The following PDCD11 variants were observed in gnomAD, a reference collection of about 807,000 sequenced individuals.
PDCD11 encodes the protein protein RRP5 homolog.
PDCD11 carries 97 observed loss-of-function variants against 198.9 expected under a neutral mutation model. The ratio of observed to expected loss-of-function variants is 0.49; its 90% CI spans 0.41 to 0.58. PDCD11 has a LOEUF of 0.58. Ranked by LOEUF, PDCD11 falls within the 20% of genes least tolerant of loss-of-function variation. The probability of loss-of-function intolerance (pLI) is 0.00; values close to 1 mark genes in which losing one functional copy is unlikely to be tolerated. For missense variants in PDCD11, 2,102 were observed against 2,312.7 expected, an observed-to-expected ratio of 0.91 and a Z score of 1.87; for synonymous variants, 893 against 918.0, an observed-to-expected ratio of 0.97 and a Z score of 0.49.
In PDCD11 at chr10:103,442,410, C is replaced by G; in HGVS notation, c.4905C>G (p.Ile1635Met). The change falls in exon 32 of 36, where the codon ATC becomes ATG. Residue 1635 changes from isoleucine (I) to methionine (M), a missense_variant. By Grantham distance (10) the Ile-to-Met change is conservative. Transcript: ENST00000369797. ...YMAFHLQATEIEKARAVAERA... is the reference protein window; with the variant it reads ...YMAFHLQATEMEKARAVAERA... ...CTTTCCACCTGCAGGCCACGGAGAT[C>G]GAGAAGGCCCGTGCCGTGGCTGAGA... 3 of 1,614,172 alleles carry G rather than the reference C, an allele frequency of 1.9e-6. 1 individual carries two copies. The South Asian group carries it at 3.3e-5, about 18-fold the overall frequency.
At chr10:103,422,875 T>C in intron 17 of PDCD11, 113 bp from the exon 18 acceptor site, 2 of 1,002,490 alleles carry the variant, frequency 2.0e-6, no homozygotes, top group Non-Finnish European at 1.4e-6. Flanking sequence ...TTTTACCTTG[T>C]CAGTGGTTCC....
At position 103,440,548 on chromosome 10, in the gene PDCD11, C is replaced by T. The variant is rs758686366; in HGVS notation, c.4407C>T (p.Gly1469=). 434 of 1,612,146 alleles carry T rather than the reference C, an allele frequency of 2.7e-4. No individual in the cohort carries two copies. The highest frequency in any genetic ancestry group is 2.5e-4 in the Non-Finnish European group (296 of 1,179,870). ...AGAAGCCACAGGCGCAGAAGCGGGGCGGGCGGGAGTGCCGGGAGTCTGGGA... is the reference window on the plus strand; with the variant it reads ...AGAAGCCACAGGCGCAGAAGCGGGGTGGGCGGGAGTGCCGGGAGTCTGGGA... The part of the protein sequence containing the change: ...QPQKPQAQKR[G]GRECRESGSE... Residue 1469 remains glycine, a synonymous_variant, in exon 29 of 36, where the codon GGC becomes GGT. Coordinates refer to ENST00000369797, the MANE Select transcript of PDCD11 (RefSeq NM_014976.2).
rs148181718 is a variant in PDCD11 at position 103,443,249 on chromosome 10, C to T, written c.5040C>T (p.Val1680=). The T allele has an allele frequency of 5.3e-4, 855 of 1,613,104 alleles. 8 individuals are homozygous for T. The East Asian group carries it at 0.016, about 30-fold the overall frequency. ...GCTCTCAGGAGTCCCTGACCAAGGT[C>T]TTTGAGCGAGCCGTGCAGTACAACG... The part of the protein sequence containing the change: ...MYGSQESLTK[V]FERAVQYNEP... The change falls in exon 33 of 36, where the codon GTC becomes GTT. Residue 1680 remains valine, a synonymous_variant. Transcript: ENST00000369797.
At chr10:103,402,843 C>T (rs1372481235) in intron 3 of PDCD11, among the ~76,000 whole-genome samples, 3 of 152,158 alleles carry the variant, frequency 2.0e-5, no homozygotes, top group South Asian at 2.1e-4. Flanking sequence ...CTGGCTCAAG[C>T]GATCCACTCA....
chr10:103,397,085 TTTAGTCTAAAGCCCTTG>T (rs2093440121), intron 1 of PDCD11, among the ~76,000 whole-genome samples: 2 of 151,638 alleles, frequency 1.3e-5, no homozygotes, highest in Admixed American at 1.3e-4. Flanking sequence ...TCATCACTTC[TTTAGTCTAAAGCCCTTG>T]TAGAGTCTTA....
chr10:103,432,119 C>T lies in PDCD11; in HGVS notation c.3369-10C>T, dbSNP rs1189202713. On this transcript the variant is annotated splice_polypyrimidine_tract_variant and intron_variant, in intron 21 of 35. Coordinates refer to ENST00000369797, the MANE Select transcript of PDCD11 (RefSeq NM_014976.2). ...TGGGTTTACTGTTTACATTTCCTTTCTGCAAACAGTGAGCTGGAGGATGGC... is the reference window on the plus strand; with the variant it reads ...TGGGTTTACTGTTTACATTTCCTTTTTGCAAACAGTGAGCTGGAGGATGGC... 2.2e-5 allele frequency: 35 copies of T among 1,597,302 alleles called. No homozygotes were observed. The highest frequency in any genetic ancestry group is 2.7e-5 in the Non-Finnish European group (32 of 1,164,816).
At chr10:103,412,588 A>G (rs985646380) in intron 8 of PDCD11, among the ~76,000 whole-genome samples, 1 of 152,102 alleles carries the variant, frequency 6.6e-6, no homozygotes, top group Admixed American at 6.5e-5. Flanking sequence ...CGGCCTCCCA[A>G]AGAGCTGGGA....
In PDCD11 at chr10:103,414,309, C is replaced by T. The variant is rs748675249; in HGVS notation, c.1350C>T (p.Ile450=). ...IEAQYLRYHD[I]EPGAVVKGTV... is the part of the protein sequence containing the mutation. ...CTCAGTACCTTAGATATCATGACAT[C>T]GAACCTGGGGCAGTGGTAAAGGTAA... Residue 450 remains isoleucine, a synonymous_variant, in exon 11 of 36, where the codon ATC becomes ATT. Transcript: ENST00000369797. 14 of 1,613,204 alleles carry T rather than the reference C, an allele frequency of 8.7e-6. No individual in the cohort carries two copies. The highest frequency in any genetic ancestry group is 5.3e-5 in the African/African-American group (4 of 74,868).
chr10:103,417,755 G>A (rs763737339), intron 13 of PDCD11, 37 bp from the exon 14 acceptor site: 38 of 1,606,176 alleles, frequency 2.4e-5, no homozygotes, highest in Non-Finnish European at 2.4e-5. Context: ...AAGGCTTGCT[G>A]GGAGGAGTTG....
At chr10:103,442,671 T>G (rs1430651333) in intron 32 of PDCD11, among the ~76,000 whole-genome samples, 2 of 152,220 alleles carry the variant, frequency 1.3e-5, no homozygotes, top group African/African-American at 4.8e-5. Flanking sequence ...TCCCTGAAAC[T>G]GCTAAGGGTA....
At chr10:103,407,383 G>GA (rs774405495) in intron 7 of PDCD11, among the ~76,000 whole-genome samples, 8 of 152,014 alleles carry the variant, frequency 5.3e-5, no homozygotes, top group African/African-American at 9.7e-5. Flanking sequence ...CTAACACGGT[G>GA]AAACCCCGTC....
At chr10:103,419,107 G>C (rs2031281527) in intron 15 of PDCD11, among the ~76,000 whole-genome samples, 1 of 152,132 alleles carries the variant, frequency 6.6e-6, no homozygotes, top group South Asian at 2.1e-4. Context: ...TCTCCTGGGA[G>C]TAAAAATGGG....
At chr10:103,411,164 A>C (rs111818584) in intron 8 of PDCD11, among the ~76,000 whole-genome samples, 1 of 151,802 alleles carries the variant, frequency 6.6e-6, no homozygotes, top group African/African-American at 2.4e-5. Flanking sequence ...GAGTCCCCCA[A>C]CCTTGGCCTC....
intron 21 of PDCD11, 116 bp downstream of exon 21, chr10:103,427,507 G>C (rs2031750191): frequency 1.2e-6 from 1 of 843,126 alleles, no homozygotes; most frequent in Non-Finnish European, 1.9e-6. Context: ...GCCTTTCTCT[G>C]TCCAAGTTTT....
At position 103,423,071 on chromosome 10, in the gene PDCD11, T is replaced by A. The variant is rs779293896; in HGVS notation, c.2581T>A (p.Ser861Thr). The A allele has an allele frequency of 1.2e-6, 2 of 1,606,604 alleles. No individual in the cohort carries two copies. Among genetic ancestry groups the A allele is most frequent in the Non-Finnish European group, 1.7e-6 (2 of 1,176,204 alleles). ...GGTGCAGGAGGTGTTGGAAGATGGC[T>A]CTGTGGTATTCAGTGGGGGTCCAGT... ...LVVQEVLEDGSVVFSGGPVPD... is the reference protein window; with the variant it reads ...LVVQEVLEDGTVVFSGGPVPD... Residue 861 changes from serine to threonine, a missense_variant, in exon 18 of 36, where the codon TCT becomes ACT. Physicochemically the swap from Ser to Thr is moderately conservative, Grantham distance 58 (BLOSUM62 1). Coordinates refer to ENST00000369797, the MANE Select transcript of PDCD11 (RefSeq NM_014976.2).
rs748375724 is a variant in PDCD11 at position 103,417,875 on chromosome 10, A to C, written c.1854A>C (p.Pro618=). Residue 618 remains proline, a synonymous_variant, in exon 14 of 36, where the codon CCA becomes CCC. Transcript: ENST00000369797. The part of the protein sequence containing the change: ...LSFKLSSDPE[P]KKEPAGHSQK... ...TCAAGCTGTCGAGTGATCCAGAGCC[A>C]AAGAAAGAGCCTGCAGGACACAGTC... The C allele has an allele frequency of 8.0e-5, 129 of 1,614,112 alleles. No homozygotes were observed. Among genetic ancestry groups the C allele is most frequent in the Admixed American group, 6.5e-4 (39 of 60,004 alleles).
At chr10:103,442,100 C>T (rs2032409130) in intron 31 of PDCD11, 113 bp from the exon 32 acceptor site, 4 of 1,547,270 alleles carry the variant, frequency 2.6e-6, no homozygotes, top group Non-Finnish European at 2.6e-6. Context: ...AGTCCCAGGC[C>T]AGGGGGTATA....
At chr10:103,427,947 C>T (rs1342281013) in intron 21 of PDCD11, among the ~76,000 whole-genome samples, 1 of 152,132 alleles carries the variant, frequency 6.6e-6, no homozygotes, top group African/African-American at 2.4e-5. Context: ...CTCTGTGGCT[C>T]AGTCCTGGGA....
rs762944063 is a variant in PDCD11 at position 103,421,430 on chromosome 10, A to G, written c.2360A>G (p.Asp787Gly). 6.2e-7 allele frequency: 1 copy of G among 1,607,778 alleles called. No homozygotes were observed. Among genetic ancestry groups the G allele is most frequent in the South Asian group, 1.1e-5 (1 of 89,592 alleles). Residue 787 changes from aspartate to glycine, a missense_variant, in exon 17 of 36, where the codon GAT (aspartate) becomes GGT (glycine). Physicochemically the swap from Asp to Gly is moderately conservative, Grantham distance 94. Transcript: ENST00000369797. ...GTAGCGGCAAAGGTGACCAATGTGG[A>G]TGAGGAGAAGCAGCGGATGCTGCTG... is the stretch of plus-strand genomic sequence containing the variant. ...QTVAAKVTNV[D>G]EEKQRMLLSL...
Sources: gnomAD v4.1 joint callset for allele counts (sites outside exome capture counted in the v4.1 genomes callset) on GRCh38, gnomAD v4.1.1 for gene constraint, MANE v1.5 for transcripts, NCBI Gene and HGNC (gene_info 2026-07-23, HGNC 2026-07-21) for gene names.